The following TIAM1 variants were observed in gnomAD, a reference collection of about 807,000 sequenced individuals.
TIAM1 encodes rho guanine nucleotide exchange factor TIAM1.
Under a neutral mutation model 163.5 loss-of-function variants are expected in TIAM1, and 65 were observed. That is an observed-to-expected ratio of 0.40 (90% CI 0.33 to 0.49). The LOEUF is 0.49. Among genes scored for constraint, TIAM1 ranks in the 20% least tolerant of loss-of-function variants. TIAM1 has a pLI of 0.77. For missense variants in TIAM1, 1,789 were observed against 2,044.7 expected, an observed-to-expected ratio of 0.87 and a Z score of 2.41; for synonymous variants, 833 against 810.1, an observed-to-expected ratio of 1.03 and a Z score of -0.48.
intron 1 of TIAM1, among the ~76,000 whole-genome samples, chr21:31,513,016 G>A (rs1442506870): frequency 1.3e-5 from 2 of 152,112 alleles, no homozygotes; most frequent in South Asian, 2.1e-4. Context: ...GGACACTAAA[G>A]ACTATGAGGA....
rs760014223 is a variant in TIAM1 at position 31,266,063 on chromosome 21, G to T, written c.910C>A (p.Pro304Thr). ...SHCLSEGATNPQISHSNSMQG... is the reference protein window; with the variant it reads ...SHCLSEGATNTQISHSNSMQG... Reference sequence around the variant, plus strand: ...ATGCTGTTGCTATGGCTAATTTGTGGGTTGGTGGCACCTTCAGAGAGACAG... The same window carrying T: ...ATGCTGTTGCTATGGCTAATTTGTGTGTTGGTGGCACCTTCAGAGAGACAG... The change falls in exon 4 of 28, where the codon CCA (proline) becomes ACA (threonine). Residue 304 changes from proline (P) to threonine (T), a missense_variant. Pro to Thr is a conservative substitution (Grantham distance 38). Coordinates refer to ENST00000541036, the MANE Select transcript of TIAM1 (RefSeq NM_001353694.2). 1.9e-6 allele frequency: 3 copies of T among 1,614,174 alleles called. No homozygotes were observed. Among genetic ancestry groups the T allele is most frequent in the Admixed American group, 3.3e-5 (2 of 60,016 alleles).
At position 31,383,764 on chromosome 21, in the gene TIAM1, G is replaced by T. The variant is rs139153561; in HGVS notation, c.-368-44342C>A. Among the ~76,000 whole-genome samples the T allele has an allele frequency of 5.5e-4, 84 of 152,278 alleles. No individual in the cohort carries two copies. In the East Asian group the frequency reaches 0.011, roughly 20 times the overall value. On this transcript the variant is annotated intron_variant, in intron 2 of 28. Coordinates refer to the TIAM1 transcript ENST00000286827. ...AGGACGTGTCCATGTAAACAAGGTA[G>T]GCATGAGAAATGAAAAGCGAGCTCA...
At chr21:31,223,306 G>T (rs2087733183) in intron 8 of TIAM1, 100 bp downstream of exon 8, 10 of 1,320,200 alleles carry the variant, frequency 7.6e-6, no homozygotes, top group Non-Finnish European at 1.0e-5. Flanking sequence ...TCCATACACA[G>T]CAGGAAGCTC....
intron 2 of TIAM1, among the ~76,000 whole-genome samples, chr21:31,387,991 G>A (rs563268853): frequency 3.2e-4 from 48 of 152,058 alleles, no homozygotes; most frequent in Non-Finnish European, 6.6e-4. Flanking sequence ...AAAGTGTGTG[G>A]CACCTTCTCT....
intron 15 of TIAM1, among the ~76,000 whole-genome samples, chr21:31,170,879 T>C (rs1231940082): frequency 2.6e-5 from 4 of 151,174 alleles, no homozygotes; most frequent in Non-Finnish European, 4.4e-5. Context: ...CTACTAAAAA[T>C]ACAAAAATTA....
intron 4 of TIAM1, among the ~76,000 whole-genome samples, chr21:31,262,016 C>T (rs1390495259): frequency 2.0e-5 from 3 of 152,182 alleles, no homozygotes; most frequent in Admixed American, 6.5e-5. Flanking sequence ...GAACACAGAA[C>T]CTGGCTATAA....
chr21:31,520,679 A>C (rs2047549981), intron 1 of TIAM1, among the ~76,000 whole-genome samples: 1 of 152,238 alleles, frequency 6.6e-6, no homozygotes, highest in African/African-American at 2.4e-5. Context: ...CTCTGTGTTT[A>C]TGAAAGCCAT....
At chr21:31,373,227 T>A (rs1056719688) in intron 2 of TIAM1, among the ~76,000 whole-genome samples, 1 of 152,016 alleles carries the variant, frequency 6.6e-6, no homozygotes, top group African/African-American at 2.4e-5. Context: ...GAGGCAGAGG[T>A]TGCAGTAAGG....
At chr21:31,188,822 C>T (rs545998076) in intron 13 of TIAM1, among the ~76,000 whole-genome samples, 1 of 152,094 alleles carries the variant, frequency 6.6e-6, no homozygotes, top group Non-Finnish European at 1.5e-5. Flanking sequence ...GATCCTCCCA[C>T]CTCAGCCTCT....
At chr21:31,198,163 C>T (rs1221749120) in intron 12 of TIAM1, among the ~76,000 whole-genome samples, 2 of 152,164 alleles carry the variant, frequency 1.3e-5, no homozygotes, top group East Asian at 1.9e-4. Context: ...TAAACTTGCC[C>T]GTATCCCTGA....
At chr21:31,488,855 T>A (rs9980389) in intron 1 of TIAM1, among the ~76,000 whole-genome samples, 49,700 of 151,630 alleles carry the variant, frequency 0.33, 8,443 homozygotes, top group Non-Finnish European at 0.35. Flanking sequence ...GGGAAAAACA[T>A]AGATATATAA....
At chr21:31,454,572 G>A (rs1422808387) in intron 2 of TIAM1, among the ~76,000 whole-genome samples, 1 of 152,180 alleles carries the variant, frequency 6.6e-6, no homozygotes, top group Non-Finnish European at 1.5e-5. Context: ...GGGCCATGTG[G>A]AACAGCAGCC....
At chr21:31,558,190 A>C (rs2048956040) in intron 1 of TIAM1, among the ~76,000 whole-genome samples, 1 of 152,144 alleles carries the variant, frequency 6.6e-6, no homozygotes, top group Non-Finnish European at 1.5e-5. Context: ...GCGCAGCAGC[A>C]TCGCAGCGGC....
chr21:31,193,391 G>A (rs1196395288), intron 13 of TIAM1, among the ~76,000 whole-genome samples: 1 of 152,108 alleles, frequency 6.6e-6, no homozygotes, highest in Admixed American at 6.5e-5. Context: ...GCTAGGCAGA[G>A]GGTGCCTAGG....
chr21:31,542,525 T>C (rs1214283337), intron 1 of TIAM1, among the ~76,000 whole-genome samples: 6 of 152,078 alleles, frequency 3.9e-5, no homozygotes, highest in Admixed American at 3.9e-4. Flanking sequence ...ACTCAGCTTC[T>C]CTCTATTTCT....
intron 2 of TIAM1, among the ~76,000 whole-genome samples, chr21:31,389,030 G>A (rs1003960558): frequency 2.6e-5 from 4 of 152,130 alleles, no homozygotes; most frequent in African/African-American, 7.2e-5. Flanking sequence ...TGTGTCACAC[G>A]CACTCAACTC....
At chr21:31,283,430 T>C (rs2073656740) in intron 2 of TIAM1, among the ~76,000 whole-genome samples, 1 of 152,212 alleles carries the variant, frequency 6.6e-6, no homozygotes, top group African/African-American at 2.4e-5. Flanking sequence ...CTCGCTGAAA[T>C]GGATGTAATA....
intron 2 of TIAM1, among the ~76,000 whole-genome samples, chr21:31,383,337 G>C (rs1384599037): frequency 6.6e-6 from 1 of 152,164 alleles, no homozygotes; most frequent in East Asian, 1.9e-4. Context: ...AACATACAGT[G>C]ATTCTCTGAG....
chr21:31,467,310 T>G (rs2147363902), intron 1 of TIAM1, among the ~76,000 whole-genome samples: 1 of 150,996 alleles, frequency 6.6e-6, no homozygotes, highest in Admixed American at 6.6e-5. Context: ...CCAGCCTGAG[T>G]GGCAGAGTGA....
Sources: allele counts gnomAD v4.1 joint callset (sites outside exome capture counted in the v4.1 genomes callset), GRCh38; gene constraint gnomAD v4.1.1; transcripts MANE v1.5; gene names NCBI Gene and HGNC (gene_info 2026-07-23, HGNC 2026-07-21).